CSRNP3: variants seen among roughly 807,000 people sequenced by gnomAD.
CSRNP3 encodes cysteine/serine-rich nuclear protein 3.
CSRNP3 carries 12 observed loss-of-function variants against 48.0 expected under a neutral mutation model. The observed-to-expected ratio is 0.25, with a 90% confidence interval of 0.16 to 0.41. CSRNP3 has a LOEUF of 0.41. Ranked by LOEUF, CSRNP3 falls within the 10% of genes least tolerant of loss-of-function variation. The pLI, the probability that CSRNP3 is intolerant of heterozygous loss-of-function variation, is 1.00. For missense variants in CSRNP3, 580 were observed against 724.4 expected, an observed-to-expected ratio of 0.80 and a Z score of 2.29; for synonymous variants, 263 against 269.7, an observed-to-expected ratio of 0.98 and a Z score of 0.24.
intron 4 of CSRNP3, among the ~76,000 whole-genome samples, chr2:165,608,824 C>G (rs1269919060): frequency 1.3e-5 from 2 of 150,410 alleles, no homozygotes; most frequent in African/African-American, 4.9e-5. Flanking sequence ...GGTGCAGTGG[C>G]TCACGCCTGT....
chr2:165,547,168 C>G (rs886892174), intron 3 of CSRNP3, among the ~76,000 whole-genome samples: 1 of 152,248 alleles, frequency 6.6e-6, no homozygotes. Context: ...ATTTTTATAT[C>G]TGTAGACCAT....
intron 1 of CSRNP3, among the ~76,000 whole-genome samples, chr2:165,476,274 C>A (rs4332939): frequency 0.36 from 55,069 of 152,010 alleles, 10,023 homozygotes; most frequent in African/African-American, 0.42. Context: ...GACAATGCTG[C>A]ATAAGCTACA....
chr2:165,517,212 T>C (rs1012678436), intron 2 of CSRNP3, among the ~76,000 whole-genome samples: 2 of 152,054 alleles, frequency 1.3e-5, no homozygotes, highest in African/African-American at 4.8e-5. Context: ...ATATCATTAC[T>C]GCCCGGGTTT....
chr2:165,581,441 G>A (rs1368458137), intron 3 of CSRNP3, among the ~76,000 whole-genome samples: 1 of 152,160 alleles, frequency 6.6e-6, no homozygotes, highest in Admixed American at 6.5e-5. Context: ...ATCAGTCTTT[G>A]CATAGAGGTC....
intron 4 of CSRNP3, among the ~76,000 whole-genome samples, chr2:165,627,327 T>C (rs975785842): frequency 6.6e-6 from 1 of 152,168 alleles, no homozygotes; most frequent in Non-Finnish European, 1.5e-5. Context: ...GTAGCTTGTT[T>C]TTCTTTGCCT....
chr2:165,645,451 G>T (rs1195382379), intron 4 of CSRNP3, among the ~76,000 whole-genome samples: 1 of 152,140 alleles, frequency 6.6e-6, no homozygotes, highest in Non-Finnish European at 1.5e-5. Context: ...TCACCTTGGG[G>T]GTTAGAATTT....
intron 4 of CSRNP3, among the ~76,000 whole-genome samples, chr2:165,626,805 C>T (rs1686443563): frequency 6.6e-6 from 1 of 152,214 alleles, no homozygotes; most frequent in Admixed American, 6.5e-5. Flanking sequence ...GATAAAATTA[C>T]TTATATTCTT....
At chr2:165,593,775 C>A (rs1685763706) in intron 3 of CSRNP3, among the ~76,000 whole-genome samples, 1 of 152,094 alleles carries the variant, frequency 6.6e-6, no homozygotes, top group Admixed American at 6.5e-5. Flanking sequence ...TTAGAATCAA[C>A]TGAAATAAAT....
intron 3 of CSRNP3, among the ~76,000 whole-genome samples, chr2:165,588,507 T>C (rs1000433600): frequency 6.6e-6 from 1 of 152,236 alleles, no homozygotes; most frequent in Non-Finnish European, 1.5e-5. Flanking sequence ...TGAGAAATGG[T>C]GGTGCCCTTG....
chr2:165,515,393 G>T (rs1684565150), intron 2 of CSRNP3, among the ~76,000 whole-genome samples: 1 of 147,720 alleles, frequency 6.8e-6, no homozygotes, highest in Non-Finnish European at 1.5e-5. Context: ...CAATATTTTT[G>T]CTTTCCTCAA....
intron 4 of CSRNP3, among the ~76,000 whole-genome samples, chr2:165,642,556 CA>C (rs1177807933): frequency 6.7e-6 from 1 of 150,318 alleles, no homozygotes; most frequent in Non-Finnish European, 1.5e-5. Flanking sequence ...AATGATTATG[CA>C]TATTCTTTTT....
At chr2:165,576,198 T>C (rs1685448212) in intron 3 of CSRNP3, among the ~76,000 whole-genome samples, 1 of 151,482 alleles carries the variant, frequency 6.6e-6, no homozygotes, top group Non-Finnish European at 1.5e-5. Flanking sequence ...GCATATATTA[T>C]GTATATACAC....
At chr2:165,585,697 G>T (rs1490458459) in intron 3 of CSRNP3, among the ~76,000 whole-genome samples, 1 of 152,052 alleles carries the variant, frequency 6.6e-6, no homozygotes, top group South Asian at 2.1e-4. Context: ...AGATTATTTT[G>T]CACTTTCACA....
At chr2:165,550,597 C>CATTT (rs1685084044) in intron 3 of CSRNP3, among the ~76,000 whole-genome samples, 1 of 152,204 alleles carries the variant, frequency 6.6e-6, no homozygotes, top group South Asian at 2.1e-4. Flanking sequence ...AAAAAGGCTT[C>CATTT]ATTTGCTGAG....
chr2:165,615,663 G>A (rs1475935839), intron 4 of CSRNP3, among the ~76,000 whole-genome samples: 1 of 151,540 alleles, frequency 6.6e-6, no homozygotes, highest in Non-Finnish European at 1.5e-5. Flanking sequence ...TTTGTCTGAT[G>A]TAATTATAGT....
chr2:165,566,821 CA>C (rs1685304162), intron 3 of CSRNP3: 1 of 151,870 alleles, frequency 6.6e-6, no homozygotes, highest in Non-Finnish European at 1.5e-5. Context: ...CCTAACGTAT[CA>C]GAACAATGAA....
chr2:165,647,358 G>A (rs575264944), intron 4 of CSRNP3, among the ~76,000 whole-genome samples: 40 of 152,122 alleles, frequency 2.6e-4, no homozygotes, highest in African/African-American at 9.2e-4. Context: ...TAATTCATTA[G>A]CAATATGACA....
At chr2:165,672,761 C>A (rs1280501914) in intron 5 of CSRNP3, among the ~76,000 whole-genome samples, 1 of 152,132 alleles carries the variant, frequency 6.6e-6, no homozygotes, top group Non-Finnish European at 1.5e-5. Context: ...CCCTAAAATG[C>A]ATTTGGAAAT....
chr2:165,648,902 T>G (rs1163968465), intron 4 of CSRNP3, among the ~76,000 whole-genome samples: 3 of 152,184 alleles, frequency 2.0e-5, no homozygotes, highest in African/African-American at 4.8e-5. Context: ...TTTCAGTAGA[T>G]GAGTATTCGA....
Sources: gnomAD v4.1 joint callset for allele counts (sites outside exome capture counted in the v4.1 genomes callset) on GRCh38, gnomAD v4.1.1 for gene constraint, MANE v1.5 for transcripts, NCBI Gene and HGNC (gene_info 2026-07-23, HGNC 2026-07-21) for gene names.